ZFP64: variants seen among roughly 807,000 people sequenced by gnomAD.
ZFP64 encodes zinc finger protein 64.
ZFP64 carries 14 observed loss-of-function variants against 51.6 expected under a neutral mutation model. That is an observed-to-expected ratio of 0.27 (90% CI 0.18 to 0.42). ZFP64 has a LOEUF of 0.42. Among genes scored for constraint, ZFP64 ranks in the 10% least tolerant of loss-of-function variants. The pLI is 1.00. For missense variants in ZFP64, 754 were observed against 906.8 expected (o/e 0.83, Z 2.16); for synonymous variants, 375 against 361.4 (o/e 1.04, Z -0.43).
chr20:52,088,480 G>A (rs1408657998), exon 8 of ZFP64: 1 of 1,614,228 alleles, frequency 6.2e-7, no homozygotes, highest in Non-Finnish European at 8.5e-7. Flanking sequence ...GCTCATCAGA[G>A]TGGATCCGCA....
chr20:52,157,019 A>ATCTCCAGCCAGCTTCTCCAGCCAGCT (rs1285025163), intron 5 of ZFP64, among the ~76,000 whole-genome samples: 1 of 152,238 alleles, frequency 6.6e-6, no homozygotes, highest in East Asian at 1.9e-4. Flanking sequence ...ATAGTTTCTC[A>ATCTCCAGCCAGCTTCTCCAGCCAGCT]TCTCCAGCCA....
chr20:52,161,564 G>C (rs1176288765), intron 4 of ZFP64, among the ~76,000 whole-genome samples: 1 of 150,858 alleles, frequency 6.6e-6, no homozygotes, highest in Non-Finnish European at 1.5e-5. Context: ...CCACAACGCG[G>C]TTGTTAAGGC....
rs1008832285 is a variant in ZFP64 at position 52,151,528 on chromosome 20, G to A, written c.*618C>T. 6 of 985,596 alleles carry A rather than the reference G, an allele frequency of 6.1e-6. No individual in the cohort carries two copies. The highest frequency in any genetic ancestry group is 7.2e-6 in the Non-Finnish European group (6 of 830,134). The allele number at this position is 985,596 out of a possible 1,614,324, so 61.1% of individuals were successfully genotyped here. On this transcript the variant is annotated 3_prime_UTR_variant, in exon 6 of 6. Coordinates refer to ENST00000216923, the MANE Select transcript of ZFP64 (RefSeq NM_018197.3). ...AAGATGGACAGAAACCTTTATTAGAGTTGGAAAATCAAGTTGGAAACAAAC... is the reference window on the plus strand; with the variant it reads ...AAGATGGACAGAAACCTTTATTAGAATTGGAAAATCAAGTTGGAAACAAAC...
intron 5 of ZFP64, among the ~76,000 whole-genome samples, chr20:52,138,255 A>T (rs1980080805): frequency 1.3e-5 from 2 of 152,054 alleles, no homozygotes; most frequent in Admixed American, 1.3e-4. Flanking sequence ...GATGGAGATG[A>T]ATATATAACT....
chr20:52,086,140 T>A (rs1018894773), intron 8 of ZFP64, among the ~76,000 whole-genome samples: 3 of 151,870 alleles, frequency 2.0e-5, no homozygotes, highest in South Asian at 2.1e-4. Flanking sequence ...AGTAAAAAAA[T>A]ATTTCCATTC....
chr20:52,184,315 T>C (rs956655221), intron 2 of ZFP64, among the ~76,000 whole-genome samples: 2 of 152,328 alleles, frequency 1.3e-5, no homozygotes, highest in African/African-American at 2.4e-5. Context: ...AAAACTGAAA[T>C]ATCTAACTGG....
chr20:52,094,236 A>G (rs559597270), intron 7 of ZFP64, among the ~76,000 whole-genome samples: 2 of 152,308 alleles, frequency 1.3e-5, no homozygotes, highest in East Asian at 3.9e-4. Context: ...CTATGCTCCT[A>G]AGGATTGGAG....
At chr20:52,092,922 C>T (rs775882557) in intron 7 of ZFP64, among the ~76,000 whole-genome samples, 1 of 152,146 alleles carries the variant, frequency 6.6e-6, no homozygotes, top group Non-Finnish European at 1.5e-5. Context: ...AAGATCTACT[C>T]TCTAAGGTAA....
rs11484315 is a variant in ZFP64 at position 52,115,197 on chromosome 20, C to CAAAAAA, written c.764-16616_764-16611dup. 3.3e-3 allele frequency among the ~76,000 whole-genome samples: 297 copies of CAAAAAA among 89,824 alleles called. 3 individuals are homozygous for CAAAAAA. The highest frequency in any genetic ancestry group is 5.6e-3 in the African/African-American group (114 of 20,484). The allele number at this position is 89,824 out of a possible 152,430, so 58.9% of individuals were successfully genotyped here. On this transcript the variant is annotated intron_variant, in intron 5 of 8. Transcript: ENST00000361387. ...CCAGCCTGGGTAACAGAGTGAGTCT[C>CAAAAAA]AAAAAAAAAAAAAAAAAAGAAACAC...
At position 52,151,315 on chromosome 20, in the gene ZFP64, T is replaced by A; in HGVS notation, c.*831A>T. The A allele has an allele frequency of 3.0e-6, 3 of 985,296 alleles. No individual in the cohort carries two copies. The South Asian group carries it at 1.4e-4, about 46-fold the overall frequency. The allele number at this position is 985,296 out of a possible 1,614,324, so 61.0% of individuals were successfully genotyped here. A position where few individuals can be genotyped will look rare whatever the true frequency, so the allele number is the denominator to read the frequency against. ...AGATATCAATTTATTATGGAACCAT[T>A]CATTTTCTGCTCATTAGCACTAAAC... is the stretch of plus-strand genomic sequence containing the variant. On this transcript the variant is annotated 3_prime_UTR_variant, in exon 6 of 6. Transcript: ENST00000216923.
At chr20:52,086,072 C>T (rs556069441) in intron 8 of ZFP64, among the ~76,000 whole-genome samples, 5 of 152,306 alleles carry the variant, frequency 3.3e-5, no homozygotes, top group South Asian at 2.1e-4. Context: ...TGAGGATTCA[C>T]TCCTCTTCTC....
At chr20:52,155,124 G>A (rs1981201268) in intron 5 of ZFP64, among the ~76,000 whole-genome samples, 2 of 152,202 alleles carry the variant, frequency 1.3e-5, no homozygotes, top group South Asian at 4.1e-4. Flanking sequence ...ATGCCAATGT[G>A]TGTGTTTCAT....
At chr20:52,166,458 CTTTTTTT>C (rs1050995200) in intron 2 of ZFP64, among the ~76,000 whole-genome samples, 1 of 145,566 alleles carries the variant, frequency 6.9e-6, no homozygotes, top group African/African-American at 2.5e-5. Context: ...ATACTTTTTT[CTTTTTTT>C]TTTTTCTGAG....
At position 52,119,534 on chromosome 20, in the gene ZFP64, ATATATATATATATATATATAC is replaced by A. The variant is rs1467115139; in HGVS notation, c.764-20968_764-20948del. ...GAGACTTCATCTAAAAAAAAAAAAA[ATATATATATATATATATATAC>A]ATATATATATATACACACACAACAC... is the stretch of plus-strand genomic sequence containing the variant. On this transcript the variant is annotated intron_variant, in intron 5 of 8. Transcript: ENST00000361387. Among the ~76,000 whole-genome samples the A allele has an allele frequency of 3.6e-3, 151 of 41,832 alleles. 1 individual carries two copies. Among genetic ancestry groups the A allele is most frequent in the Non-Finnish European group, 6.4e-3 (124 of 19,234 alleles). 27.4% of individuals were successfully genotyped at this position (41,832 alleles called of 152,430 possible). A position where few individuals can be genotyped will look rare whatever the true frequency, so the allele number is the denominator to read the frequency against.
chr20:52,184,629 T>TTTTTTATTTTTA (rs10622661), intron 2 of ZFP64, among the ~76,000 whole-genome samples: 28 of 151,974 alleles, frequency 1.8e-4, no homozygotes, highest in African/African-American at 6.5e-4. Flanking sequence ...TAAATCCCTC[T>TTTTTTATTTTTA]TTTTTATTTT....
intron 5 of ZFP64, among the ~76,000 whole-genome samples, chr20:52,139,839 C>T (rs1980165678): frequency 3.4e-5 from 5 of 145,808 alleles, no homozygotes; most frequent in South Asian, 2.2e-4. Flanking sequence ...GCTTTGCGGG[C>T]GCTGAGTTGT....
intron 5 of ZFP64, among the ~76,000 whole-genome samples, chr20:52,125,493 C>T (rs954788694): frequency 8.5e-5 from 13 of 152,236 alleles, no homozygotes; most frequent in Admixed American, 5.9e-4. Flanking sequence ...CCATCATACA[C>T]TAGTTAAAGC....
chr20:52,170,269 T>C (rs895675484), intron 2 of ZFP64, among the ~76,000 whole-genome samples: 1 of 151,786 alleles, frequency 6.6e-6, no homozygotes, highest in Non-Finnish European at 1.5e-5. Flanking sequence ...CTGGCCAACA[T>C]GGTGAGACCC....
chr20:52,161,213 A>T (rs1981767853), intron 4 of ZFP64, among the ~76,000 whole-genome samples: 1 of 152,200 alleles, frequency 6.6e-6, no homozygotes, highest in Non-Finnish European at 1.5e-5. Context: ...TTTCATTCTT[A>T]CAGCAGCTTA....
Sources: allele counts gnomAD v4.1 joint callset (sites outside exome capture counted in the v4.1 genomes callset), GRCh38; gene constraint gnomAD v4.1.1; transcripts MANE v1.5; gene names NCBI Gene and HGNC (gene_info 2026-07-23, HGNC 2026-07-21).